Variants in ACBD4 observed in about 807,000 individuals in gnomAD.
The protein encoded by ACBD4 is acyl-CoA-binding domain-containing protein 4.
Under a neutral mutation model 46.0 loss-of-function variants are expected in ACBD4, and 41 were observed. The ratio of observed to expected loss-of-function variants is 0.89; its 90% CI spans 0.69 to 1.16. The LOEUF is 1.16. ACBD4 is among the 50% of genes most tolerant of loss of function. The pLI, the probability that ACBD4 is intolerant of heterozygous loss-of-function variation, is 0.00. For synonymous variants in ACBD4, 162 were observed against 155.9 expected, an observed-to-expected ratio of 1.04 and a Z score of -0.29; for missense variants, 393 against 399.5, an observed-to-expected ratio of 0.98 and a Z score of 0.14.
At position 45,136,202 on chromosome 17, in the gene ACBD4, G is replaced by A. The variant is rs775470080; in HGVS notation, c.58G>A (p.Val20Met). 1.9e-6 allele frequency: 3 copies of A among 1,613,670 alleles called. No homozygotes were observed. The highest frequency in any genetic ancestry group is 2.2e-5 in the East Asian group (1 of 44,876). The change falls in exon 2 of 10, where the codon GTG becomes ATG. Residue 20 changes from valine (V) to methionine (M), a missense_variant. Physicochemically the swap from Val to Met is conservative, Grantham distance 21. Transcript: ENST00000321854. ...CTGCCAGAAACAGTTCCAGGCTGCA[G>A]TGAGCGTCATCCAGAACCTGCCCAA... ...PDCQKQFQAA[V>M]SVIQNLPKNG...
rs541468728 is a variant in ACBD4, at chr17:45,136,132, G to C, written c.-13G>C. On this transcript the variant is annotated 5_prime_UTR_variant, in exon 2 of 10. Coordinates refer to ENST00000321854, the MANE Select transcript of ACBD4 (RefSeq NM_001135705.3). Reference sequence around the variant, plus strand: ...GAGTCGCTCAAAAGTAGGGCCCCAGGGCTCGCAGCAGCATGGGCACCGAGA... The same window carrying C: ...GAGTCGCTCAAAAGTAGGGCCCCAGCGCTCGCAGCAGCATGGGCACCGAGA... 3.1e-6 allele frequency: 5 copies of C among 1,612,594 alleles called. No individual in the cohort carries two copies. Among genetic ancestry groups the C allele is most frequent in the Non-Finnish European group, 8.5e-7 (1 of 1,179,718 alleles).
chr17:45,138,244 T>A (rs943174767), intron 8 of ACBD4: 1 of 574,900 alleles, frequency 1.7e-6, no homozygotes, highest in Non-Finnish European at 3.1e-6. Flanking sequence ...GCCAGCGGGA[T>A]GGGAGTCCTA....
upstream of ACBD4, among the ~76,000 whole-genome samples, chr17:45,134,558 C>CCT (rs1403246836): frequency 2.6e-5 from 4 of 152,266 alleles, no homozygotes. Context: ...CGGCGGATCA[C>CCT]GAGGTCAGGA....
At chr17:45,137,235 C>G in intron 5 of ACBD4, 96 bp downstream of exon 5, 1 of 1,600,152 alleles carries the variant, frequency 6.2e-7, no homozygotes, top group East Asian at 2.2e-5. Context: ...AGGCGACATC[C>G]CTGTTAGGGC....
At chr17:45,134,349 C>G (rs967814097), upstream of ACBD4, among the ~76,000 whole-genome samples, 3 of 152,178 alleles carry the variant, frequency 2.0e-5, no homozygotes, top group African/African-American at 7.2e-5. Flanking sequence ...CGGTGGCTCA[C>G]GCCTGTAATC....
At position 45,135,857 on chromosome 17, in the gene ACBD4, TA is replaced by T; in HGVS notation, c.-131del. The T allele has an allele frequency of 2.5e-6, 1 of 398,950 alleles. No individual in the cohort carries two copies. The allele number at this position is 398,950 out of a possible 1,614,324, so 24.7% of individuals were successfully genotyped here. A position where few individuals can be genotyped will look rare whatever the true frequency, so the allele number is the denominator to read the frequency against. On this transcript the variant is annotated 5_prime_UTR_variant, in exon 1 of 10. Transcript: ENST00000321854. ...TGTTCGGGAGTTGGAGATGTGCACC[TA>T]AAGGAGGCGCATCTGGGGACGGACA...
In ACBD4 at chr17:45,139,026, T is replaced by G; in HGVS notation, c.655T>G (p.Leu219Val). 1 of 1,612,860 alleles carries G rather than the reference T, an allele frequency of 6.2e-7. No individual in the cohort carries two copies. The highest frequency in any genetic ancestry group is 8.5e-7 in the Non-Finnish European group (1 of 1,179,924). The change falls in exon 9 of 10, where the codon TTG becomes GTG. Residue 219 changes from leucine to valine, a missense_variant. Coordinates refer to ENST00000321854, the MANE Select transcript of ACBD4 (RefSeq NM_001135705.3). ...SPVPPTKKEG[L>V]RGSPPGPQEL... ...TGTGTGTCTGTGCTCCGCAGAGGGGTTGCGGGGCAGCCCGCCGGGGCCCCA... is the reference window on the plus strand; with the variant it reads ...TGTGTGTCTGTGCTCCGCAGAGGGGGTGCGGGGCAGCCCGCCGGGGCCCCA...
intron 8 of ACBD4, 82 bp downstream of exon 8, chr17:45,138,070 TA>T: frequency 1.4e-6 from 2 of 1,385,356 alleles, no homozygotes; most frequent in South Asian, 2.5e-5. Flanking sequence ...GCTGCCTTCC[TA>T]GGGCAGAGTT....
intron 8 of ACBD4, 92 bp from the exon 9 acceptor site, chr17:45,138,929 A>G: frequency 1.4e-6 from 2 of 1,420,326 alleles, no homozygotes; most frequent in Non-Finnish European, 1.9e-6. Flanking sequence ...TTCCACTCCT[A>G]CACTTTCCTG....
At chr17:45,137,694 A>G (rs1290623196) in intron 6 of ACBD4, 66 bp from the exon 7 acceptor site, 2 of 1,565,840 alleles carry the variant, frequency 1.3e-6, no homozygotes, top group African/African-American at 2.7e-5. Flanking sequence ...GCTTCTGCCC[A>G]GTGCACACTC....
chr17:45,136,840 A>G, intron 4 of ACBD4, 64 bp downstream of exon 4: 2 of 1,601,688 alleles, frequency 1.2e-6, no homozygotes, highest in Non-Finnish European at 1.7e-6. Flanking sequence ...TCCAGTTCTG[A>G]CCCCCACTAC....
At position 45,136,224 on chromosome 17, in the gene ACBD4, C is replaced by A. The variant is rs374047564; in HGVS notation, c.80C>A (p.Pro27His). 6.2e-7 allele frequency: 1 copy of A among 1,613,170 alleles called. No homozygotes were observed. The highest frequency in any genetic ancestry group is 1.3e-5 in the African/African-American group (1 of 74,868). ...QAAVSVIQNL[P>H]KNGSYRPSYE... ...GCAGTGAGCGTCATCCAGAACCTGC[C>A]CAAGAACGGTGAGGCTGCGGGGACT... is the stretch of plus-strand genomic sequence containing the variant. Residue 27 changes from proline to histidine, a missense_variant, in exon 2 of 10, where the codon CCC becomes CAC. By Grantham distance (77) the Pro-to-His change is moderately conservative. Coordinates refer to ENST00000321854, the MANE Select transcript of ACBD4 (RefSeq NM_001135705.3).
Position 45,144,018 on chromosome 17 carries a change from C to G in ACBD4, c.*447C>G. ...CGGGAGGGAGGCCAGGAGGCCCGGACCAGTTGGGAGGAGTGAGCAGGCCCC... is the reference window on the plus strand; with the variant it reads ...CGGGAGGGAGGCCAGGAGGCCCGGAGCAGTTGGGAGGAGTGAGCAGGCCCC... On this transcript the variant is annotated 3_prime_UTR_variant, in exon 10 of 10. Transcript: ENST00000321854. 1 of 193,422 alleles carries G rather than the reference C, an allele frequency of 5.2e-6. No homozygotes were observed. The highest frequency in any genetic ancestry group is 1.1e-5 in the Non-Finnish European group (1 of 93,618). 12.0% of individuals were successfully genotyped at this position (193,422 alleles called of 1,614,324 possible). A position where few individuals can be genotyped will look rare whatever the true frequency, so the allele number is the denominator to read the frequency against.
intron 8 of ACBD4, 139 bp downstream of exon 8, chr17:45,138,127 G>T: frequency 2.1e-6 from 2 of 948,640 alleles, no homozygotes; most frequent in Non-Finnish European, 3.2e-6. Context: ...TGTCCAGGAA[G>T]GGCTGCCAAC....
rs530539203 is a variant in ACBD4 at position 45,136,232 on chromosome 17, G to T, written c.88G>T (p.Gly30Cys). ...CGTCATCCAGAACCTGCCCAAGAACGGTGAGGCTGCGGGGACTCGCATTTG... is the reference window on the plus strand; with the variant it reads ...CGTCATCCAGAACCTGCCCAAGAACTGTGAGGCTGCGGGGACTCGCATTTG... ...VSVIQNLPKN[G>C]SYRPSYEEML... The change falls in exon 2 of 10, where the codon GGT (glycine) becomes TGT (cysteine). Residue 30 changes from glycine to cysteine, a missense_variant and splice_region_variant. By Grantham distance (159) the Gly-to-Cys change is radical (BLOSUM62 -3). Transcript: ENST00000321854. 43 of 1,612,828 alleles carry T rather than the reference G, an allele frequency of 2.7e-5. No homozygotes were observed. In the South Asian group the frequency reaches 4.2e-4, roughly 16 times the overall value.
upstream of ACBD4, among the ~76,000 whole-genome samples, chr17:45,131,998 C>T (rs564371147): frequency 7.4e-4 from 112 of 152,270 alleles, no homozygotes; most frequent in South Asian, 1.9e-3. Flanking sequence ...TGCCCGAATT[C>T]GCGCTTCAGA....
In ACBD4 at chr17:45,136,189, G is replaced by C. The variant is rs1320850168; in HGVS notation, c.45G>C (p.Gln15His). 1 of 1,613,702 alleles carries C rather than the reference G, an allele frequency of 6.2e-7. No individual in the cohort carries two copies. Reference sequence around the variant, plus strand: ...GCCCAGAGCCCGACTGCCAGAAACAGTTCCAGGCTGCAGTGAGCGTCATCC... The same window carrying C: ...GCCCAGAGCCCGACTGCCAGAAACACTTCCAGGCTGCAGTGAGCGTCATCC... The part of the protein sequence containing the change: ...KESPEPDCQK[Q>H]FQAAVSVIQN... Residue 15 changes from glutamine (Q) to histidine (H), a missense_variant, in exon 2 of 10, where the codon CAG becomes CAC. This residue lies in a region of ACBD4 where 61 missense variants were observed against 50.3 expected (regional missense o/e 1.21). Coordinates refer to ENST00000321854, the MANE Select transcript of ACBD4 (RefSeq NM_001135705.3).
intron 9 of ACBD4, among the ~76,000 whole-genome samples, chr17:45,140,212 C>A (rs975614561): frequency 2.1e-4 from 32 of 149,284 alleles, no homozygotes; most frequent in Non-Finnish European, 5.9e-5. Flanking sequence ...GAGATAGAGT[C>A]TTGCTCTGTC....
At chr17:45,132,284 T>G, upstream of ACBD4, 1 of 1,273,800 alleles carries the variant, frequency 7.9e-7, no homozygotes, top group East Asian at 2.9e-5. This position sits in a 1 kb window ranked among gnomAD's most constrained non-coding sequence, Gnocchi z 4.6. Context: ...GGCCTCTTGG[T>G]GCCGCCATCG....
Sources: gnomAD v4.1 joint callset for allele counts (sites outside exome capture counted in the v4.1 genomes callset) on GRCh38, gnomAD v4.1.1 for gene constraint, gnomAD v4.1.1 regional missense constraint, Gnocchi (gnomAD v3.1) non-coding constraint, MANE v1.5 for transcripts, NCBI Gene and HGNC (gene_info 2026-07-23, HGNC 2026-07-21) for gene names.